ARRB1: variants seen among roughly 807,000 people sequenced by gnomAD.
ARRB1 encodes arrestin beta 1.
A neutral mutation model predicts 56.8 loss-of-function variants in ARRB1; 21 were observed. That is an observed-to-expected ratio of 0.37 (90% confidence interval 0.26 to 0.53). The LOEUF is 0.53. Ranked by LOEUF, ARRB1 falls within the 20% of genes least tolerant of loss-of-function variation. ARRB1 has a pLI of 0.88. For synonymous variants in ARRB1, 210 were observed against 218.6 expected (o/e 0.96, Z 0.35); for missense variants, 424 against 553.7 (o/e 0.77, Z 2.35).
chr11:75,350,922 G>C (rs1315961338), intron 1 of ARRB1, among the ~76,000 whole-genome samples: 3 of 152,208 alleles, frequency 2.0e-5, no homozygotes, highest in African/African-American at 7.2e-5. Flanking sequence ...GAGGGCATCA[G>C]TCTGATTGTG....
At chr11:75,289,857 A>G in intron 2 of ARRB1, 152 bp downstream of exon 2, 1 of 1,094,016 alleles carries the variant, frequency 9.1e-7, no homozygotes. Context: ...TCCAAGAGAG[A>G]GAGCTGTGTC....
intron 1 of ARRB1, among the ~76,000 whole-genome samples, chr11:75,342,683 CTGAGGA>C (rs1947708673): frequency 1.3e-5 from 2 of 152,086 alleles, no homozygotes; most frequent in Admixed American, 1.3e-4. Flanking sequence ...CAGTACATGA[CTGAGGA>C]TGAGGATGAA....
Position 75,341,464 on chromosome 11 carries a change from C to T in ARRB1, c.20+10124G>A, listed in dbSNP as rs78759643. ...ACAATGGCTTTTTATGAAGCCCTTACCCTCTCTGCCCACAGAAACCCCATT... is the reference window on the plus strand; with the variant it reads ...ACAATGGCTTTTTATGAAGCCCTTATCCTCTCTGCCCACAGAAACCCCATT... On this transcript the variant is annotated intron_variant, in intron 1 of 15. Transcript: ENST00000420843. 4.5e-3 allele frequency among the ~76,000 whole-genome samples: 687 copies of T among 152,224 alleles called. 2 individuals are homozygous for T. The highest frequency in any genetic ancestry group is 0.016 in the African/African-American group (658 of 41,526).
At chr11:75,306,964 C>G (rs1947048292) in intron 1 of ARRB1, among the ~76,000 whole-genome samples, 1 of 152,204 alleles carries the variant, frequency 6.6e-6, no homozygotes, top group Admixed American at 6.5e-5. Context: ...CCTCAAGTTT[C>G]CCTTCCAGCC....
At position 75,277,347 on chromosome 11, in the gene ARRB1, C is replaced by A. The variant is rs1214660395; in HGVS notation, c.703+17G>T. The stretch of plus-strand genomic sequence containing the variant: ...TGCCTCTCGCTGTCCCCTAAGCTGA[C>A]CCTCTGTCTGGGATACCTGAGATCT... On this transcript the variant is annotated intron_variant, in intron 9 of 15. Transcript: ENST00000420843. 2 of 1,612,204 alleles carry A rather than the reference C, an allele frequency of 1.2e-6. No individual in the cohort carries two copies. Among genetic ancestry groups the A allele is most frequent in the Admixed American group, 3.3e-5 (2 of 60,020 alleles).
chr11:75,324,747 T>C (rs1236040227), intron 1 of ARRB1, among the ~76,000 whole-genome samples: 15 of 152,192 alleles, frequency 9.9e-5, no homozygotes, highest in Non-Finnish European at 1.0e-4. Context: ...ACTTTGCCTG[T>C]TTGGTCCCCT....
chr11:75,306,458 C>T (rs770092186), intron 1 of ARRB1: 60 of 624,064 alleles, frequency 9.6e-5, no homozygotes, highest in Non-Finnish European at 1.4e-4. Context: ...GCAGGAAGCA[C>T]TCAATGCACA....
chr11:75,337,705 T>A (rs531386702), intron 1 of ARRB1, among the ~76,000 whole-genome samples: 9 of 149,392 alleles, frequency 6.0e-5, no homozygotes, highest in African/African-American at 2.2e-4. Flanking sequence ...TCACTCTACC[T>A]GGGCAGGGAG....
Position 75,282,604 on chromosome 11 carries a change from C to T in ARRB1, c.355-583G>A, listed in dbSNP as rs544276187. Among the ~76,000 whole-genome samples, 259 of 152,340 alleles carry T rather than the reference C, an allele frequency of 1.7e-3. 2 individuals are homozygous for T. Among genetic ancestry groups the T allele is most frequent in the African/African-American group, 6.1e-3 (255 of 41,576 alleles). ...GCCTCCAGAGGAGCCAGCCCTGCCA[C>T]GCCTCCATGGTAGCCCACTGAGACC... On this transcript the variant is annotated intron_variant, in intron 5 of 15. Coordinates refer to ENST00000420843, the MANE Select transcript of ARRB1 (RefSeq NM_004041.5).
intron 1 of ARRB1, among the ~76,000 whole-genome samples, chr11:75,327,975 T>C (rs890829315): frequency 6.6e-6 from 1 of 152,140 alleles, no homozygotes; most frequent in African/African-American, 2.4e-5. Flanking sequence ...ATACATAAAG[T>C]GAACAATTCA....
chr11:75,342,996 T>C (rs1565148643), intron 1 of ARRB1, among the ~76,000 whole-genome samples: 1 of 152,154 alleles, frequency 6.6e-6, no homozygotes, highest in Non-Finnish European at 1.5e-5. Context: ...TGTCCTATGG[T>C]CCTCACCAAC....
intron 3 of ARRB1, 110 bp from the exon 4 acceptor site, chr11:75,284,389 T>A (rs1246408432): frequency 3.4e-6 from 4 of 1,171,364 alleles, no homozygotes; most frequent in East Asian, 2.6e-5. Context: ...TCTAAAATCA[T>A]CCTGAGAAAA....
chr11:75,269,071 G>A, intron 13 of ARRB1, 112 bp from the exon 14 acceptor site: 1 of 1,222,878 alleles, frequency 8.2e-7, no homozygotes, highest in Non-Finnish European at 1.2e-6. Flanking sequence ...GTCAGAGGAG[G>A]TAGATCCAAA....
chr11:75,313,521 G>A (rs1026618201), intron 1 of ARRB1, among the ~76,000 whole-genome samples: 16 of 152,314 alleles, frequency 1.1e-4, no homozygotes, highest in Middle Eastern at 3.4e-3. Context: ...GAGAACTGGA[G>A]AAGGTTAAGC....
intron 1 of ARRB1, among the ~76,000 whole-genome samples, chr11:75,312,550 A>G (rs1306404984): frequency 6.6e-6 from 1 of 152,216 alleles, no homozygotes; most frequent in Non-Finnish European, 1.5e-5. Context: ...GCCCCCCGAG[A>G]TGCCCACATC....
intron 2 of ARRB1, among the ~76,000 whole-genome samples, chr11:75,288,400 G>A (rs1158336794): frequency 2.0e-5 from 3 of 151,916 alleles, no homozygotes; most frequent in East Asian, 1.9e-4. Context: ...GAATTCCAGC[G>A]GCTAAACCAG....
intron 1 of ARRB1, among the ~76,000 whole-genome samples, chr11:75,333,596 G>T (rs616714): frequency 0.17 from 25,943 of 152,148 alleles, 2,315 homozygotes; most frequent in East Asian, 0.31. Context: ...CAGGCACTGT[G>T]TTAAGCCATG....
chr11:75,309,601 G>A (rs1947113424), intron 1 of ARRB1, among the ~76,000 whole-genome samples: 1 of 152,182 alleles, frequency 6.6e-6, no homozygotes, highest in Non-Finnish European at 1.5e-5. Flanking sequence ...GGCTTCAGCT[G>A]GCTTACGTGC....
rs368336303 is a variant in ARRB1, at chr11:75,266,132, C to T, written c.*31G>A. 19 of 1,550,320 alleles carry T rather than the reference C, an allele frequency of 1.2e-5. No homozygotes were observed. The highest frequency in any genetic ancestry group is 1.7e-5 in the Non-Finnish European group (19 of 1,122,176). ...AGCATCCGAGTGCACGAGAGTGGAG[C>T]CGGAGCCACGTGGAGGCAGGGCCGG... On this transcript the variant is annotated 3_prime_UTR_variant, in exon 16 of 16. Coordinates refer to ENST00000420843, the MANE Select transcript of ARRB1 (RefSeq NM_004041.5).
Sources: allele counts gnomAD v4.1 joint callset (sites outside exome capture counted in the v4.1 genomes callset), GRCh38; gene constraint gnomAD v4.1.1; transcripts MANE v1.5; gene names NCBI Gene and HGNC (gene_info 2026-07-23, HGNC 2026-07-21).